BMAL2: variants seen among roughly 807,000 people sequenced by gnomAD.
The protein encoded by BMAL2 is basic helix-loop-helix ARNT-like protein 2.
At chr12:27,373,916 G>C in the BMAL2 span, among the ~76,000 whole-genome samples, 1 of 152,248 alleles carries the variant, frequency 6.6e-6, no homozygotes, top group African/African-American at 2.4e-5. Flanking sequence ...AAACACATTT[G>C]TAAAAATTTG....
the BMAL2 span, among the ~76,000 whole-genome samples, chr12:27,348,873 ATTAAG>A: frequency 6.6e-6 from 1 of 150,640 alleles, no homozygotes; most frequent in African/African-American, 2.5e-5. Context: ...TAAAAAGAGA[ATTAAG>A]TGAAGCAGGA....
the BMAL2 span, among the ~76,000 whole-genome samples, chr12:27,396,233 T>A: frequency 6.6e-6 from 1 of 152,186 alleles, no homozygotes; most frequent in African/African-American, 2.4e-5. Flanking sequence ...CACCCGTGGC[T>A]CATGCAGTGC....
the BMAL2 span, among the ~76,000 whole-genome samples, chr12:27,351,450 A>G: frequency 6.6e-6 from 1 of 152,174 alleles, no homozygotes; most frequent in Non-Finnish European, 1.5e-5. Context: ...TCCCAGGATT[A>G]GCCAATACCT....
At chr12:27,414,890 AAG>A in the BMAL2 span, among the ~76,000 whole-genome samples, 3 of 152,146 alleles carry the variant, frequency 2.0e-5, no homozygotes, top group Admixed American at 6.6e-5. Context: ...TAAGAAAAAA[AAG>A]AGAGAAGTCT....
At chr12:27,338,662 G>GTCC in the BMAL2 span, among the ~76,000 whole-genome samples, 1 of 152,244 alleles carries the variant, frequency 6.6e-6, no homozygotes, top group Non-Finnish European at 1.5e-5. Flanking sequence ...CAAGGTCTGT[G>GTCC]ATGAGGCATG....
chr12:27,415,930 A>G, the BMAL2 span: 2 of 1,599,280 alleles, frequency 1.3e-6, no homozygotes, highest in East Asian at 2.2e-5. Context: ...AGATACTCAT[A>G]CTGTAAACTG....
chr12:27,409,755 A>C, the BMAL2 span, among the ~76,000 whole-genome samples: 438 of 151,916 alleles, frequency 2.9e-3, 3 homozygotes, highest in African/African-American at 9.7e-3. Flanking sequence ...GGATCTAATT[A>C]AACTAAAGAG....
the BMAL2 span, chr12:27,385,631 T>C: frequency 2.1e-6 from 2 of 964,802 alleles, no homozygotes; most frequent in Non-Finnish European, 3.2e-6. Context: ...GCAGATTTTC[T>C]TCCATTTGCT....
the BMAL2 span, among the ~76,000 whole-genome samples, chr12:27,369,076 C>T: frequency 6.6e-6 from 1 of 152,090 alleles, no homozygotes; most frequent in East Asian, 1.9e-4. Flanking sequence ...GTTTGAGACC[C>T]GCAAGACCCC....
chr12:27,363,850 A>G, the BMAL2 span, among the ~76,000 whole-genome samples: 33 of 152,208 alleles, frequency 2.2e-4, no homozygotes, highest in Non-Finnish European at 4.7e-4. Context: ...TTGTTTTTAC[A>G]TTTTATGTCT....
the BMAL2 span, among the ~76,000 whole-genome samples, chr12:27,386,939 C>T: frequency 6.6e-6 from 1 of 152,150 alleles, no homozygotes; most frequent in African/African-American, 2.4e-5. Flanking sequence ...GGCTCATATA[C>T]AGCACCTGGC....
chr12:27,346,339 C>T, the BMAL2 span, among the ~76,000 whole-genome samples: 4,502 of 152,336 alleles, frequency 0.03, 89 homozygotes, highest in South Asian at 0.09. Context: ...CAGCTCACTG[C>T]ACCCTCTGCC....
chr12:27,368,387 A>G, the BMAL2 span: 6 of 1,614,046 alleles, frequency 3.7e-6, no homozygotes, highest in Non-Finnish European at 4.2e-6. Flanking sequence ...ACGAAAACGC[A>G]AAGGAAGTGA....
At chr12:27,380,335 C>G in the BMAL2 span, 3 of 1,614,070 alleles carry the variant, frequency 1.9e-6, no homozygotes, top group Non-Finnish European at 2.5e-6. Context: ...TCAGTGCAAC[C>G]CCATGGCGCG....
At chr12:27,385,512 T>C in the BMAL2 span, 5 of 1,607,426 alleles carry the variant, frequency 3.1e-6, no homozygotes, top group Non-Finnish European at 4.3e-6. Flanking sequence ...GAAGTAATTA[T>C]AGACCATCAT....
At chr12:27,370,201 G>C in the BMAL2 span, 1 of 1,613,946 alleles carries the variant, frequency 6.2e-7, no homozygotes, top group Non-Finnish European at 8.5e-7. Context: ...TTTCAACAAG[G>C]ATAGAAATAT....
the BMAL2 span, among the ~76,000 whole-genome samples, chr12:27,379,380 G>A: frequency 6.6e-6 from 1 of 152,232 alleles, no homozygotes; most frequent in Non-Finnish European, 1.5e-5. Flanking sequence ...ATGAGTAGCT[G>A]TAAAGCCTTG....
chr12:27,398,474 C>T, the BMAL2 span, among the ~76,000 whole-genome samples: 1 of 152,076 alleles, frequency 6.6e-6, no homozygotes, highest in Non-Finnish European at 1.5e-5. Context: ...GAATTTTTAA[C>T]CCACTTCCCA....
the BMAL2 span, among the ~76,000 whole-genome samples, chr12:27,358,761 A>G: frequency 6.6e-6 from 1 of 152,194 alleles, no homozygotes; most frequent in Admixed American, 6.5e-5. Context: ...CACAAAAAAT[A>G]TACAGGATTA....
Sources: gnomAD v4.1 joint callset for allele counts (sites outside exome capture counted in the v4.1 genomes callset) on GRCh38, gnomAD v4.1.1 for gene constraint, MANE v1.5 for transcripts, NCBI Gene and HGNC (gene_info 2026-07-23, HGNC 2026-07-21) for gene names.